The following COL6A2 variants were observed in gnomAD, a reference collection of about 807,000 sequenced individuals.
The protein encoded by COL6A2 is collagen type VI alpha 2 chain.
In COL6A2, 90 loss-of-function variants were observed where a neutral mutation model predicts 124.9. That is an observed-to-expected ratio of 0.72 (90% confidence interval 0.61 to 0.86). COL6A2 has a LOEUF of 0.86. COL6A2 is among the 40% of genes least tolerant of loss of function. The pLI, the probability that COL6A2 is intolerant of heterozygous loss-of-function variation, is 0.00. For synonymous variants in COL6A2, 793 were observed against 618.2 expected, an observed-to-expected ratio of 1.28 and a Z score of -4.19; for missense variants, 1,607 against 1,502.5, an observed-to-expected ratio of 1.07 and a Z score of -1.15.
chr21:46,106,706 G>C (rs955087526), intron 1 of COL6A2, among the ~76,000 whole-genome samples: 8 of 152,248 alleles, frequency 5.3e-5, no homozygotes, highest in Admixed American at 2.6e-4. Flanking sequence ...ACTCTGAAAG[G>C]CCACCATGTC....
At chr21:46,117,278 T>C in intron 10 of COL6A2, 122 bp from the exon 11 acceptor site, 1 of 988,700 alleles carries the variant, frequency 1.0e-6, no homozygotes, top group Admixed American at 2.1e-5. Flanking sequence ...TGGGCACCCG[T>C]GTGCCAGGAG....
At chr21:46,126,739 G>A (rs2078676268) in intron 27 of COL6A2, among the ~76,000 whole-genome samples, 198 bp downstream of exon 27, 1 of 152,192 alleles carries the variant, frequency 6.6e-6, no homozygotes, top group Admixed American at 6.5e-5. Flanking sequence ...CAGGCTCCCA[G>A]GAACGCAGGA....
intron 27 of COL6A2, among the ~76,000 whole-genome samples, chr21:46,130,389 G>A (rs892826669): frequency 7.9e-5 from 12 of 152,072 alleles, no homozygotes; most frequent in Non-Finnish European, 1.6e-4. Flanking sequence ...ACGGCGAGCT[G>A]ACCCCGACGT....
chr21:46,107,796 T>TC (rs1432089764), intron 1 of COL6A2, among the ~76,000 whole-genome samples: 2 of 152,222 alleles, frequency 1.3e-5, no homozygotes, highest in Non-Finnish European at 2.9e-5. Flanking sequence ...CTTTGAATTT[T>TC]CCTGCCTTTC....
In COL6A2 at chr21:46,112,818, C is replaced by T. The variant is rs200824569; in HGVS notation, c.729C>T (p.Tyr243=). 1.7e-5 allele frequency: 27 copies of T among 1,613,674 alleles called. No homozygotes were observed. Among genetic ancestry groups the T allele is most frequent in the East Asian group, 1.6e-4 (7 of 44,874 alleles). Residue 243 remains tyrosine, a synonymous_variant, in exon 4 of 28, where the codon TAC becomes TAT. Transcript: ENST00000300527. ...CTTTTCTGCAGAAACACGAAGCCTACGGAGAGGTGAGTGGCGCTTCCCTTC... is the reference window on the plus strand; with the variant it reads ...CTTTTCTGCAGAAACACGAAGCCTATGGAGAGGTGAGTGGCGCTTCCCTTC... ...RIIKVMKHEA[Y]GECYKVSCLE... is the part of the protein sequence containing the mutation.
rs781630708 is a variant in COL6A2 at position 46,126,117 on chromosome 21, G to A, written c.2302G>A (p.Glu768Lys). The A allele has an allele frequency of 5.0e-6, 8 of 1,612,372 alleles. No individual in the cohort carries two copies. Among genetic ancestry groups the A allele is most frequent in the Non-Finnish European group, 5.9e-6 (7 of 1,180,030 alleles). Residue 768 changes from glutamate (E) to lysine (K), a missense_variant, in exon 26 of 28, where the codon GAG (glutamate) becomes AAG (lysine). This residue lies in a region of COL6A2 where 1,223 missense variants were observed against 1,052.2 expected (regional missense o/e 1.16). Coordinates refer to ENST00000300527, the MANE Select transcript of COL6A2 (RefSeq NM_001849.4). ...CGGGGACATGTTCCACGAGAAGCAC[G>A]AGAGTGAAAACCTCTACTCCATCGC... ...GIGDMFHEKH[E>K]SENLYSIACD... is the part of the protein sequence containing the mutation.
At chr21:46,108,009 A>G (rs924665295) in intron 1 of COL6A2, among the ~76,000 whole-genome samples, 1 of 151,952 alleles carries the variant, frequency 6.6e-6, no homozygotes, top group Non-Finnish European at 1.5e-5. Context: ...CTTTTCATCA[A>G]TGATATATTT....
intron 15 of COL6A2, 104 bp downstream of exon 15, chr21:46,119,954 G>T (rs2078534485): frequency 4.0e-6 from 4 of 1,008,128 alleles, no homozygotes; most frequent in African/African-American, 3.2e-5. Flanking sequence ...CAGAACCCCA[G>T]GGCCTCACTC....
rs762738666 is a variant in COL6A2 at position 46,117,867 on chromosome 21, C to T, written c.1054-7C>T. 5.6e-6 allele frequency: 9 copies of T among 1,609,502 alleles called. No homozygotes were observed. In the East Asian group the frequency reaches 1.1e-4, roughly 20 times the overall value. On this transcript the variant is annotated splice_polypyrimidine_tract_variant and splice_region_variant and intron_variant, in intron 11 of 27. Transcript: ENST00000300527. ...GTGCCGAGCTCCACCTCTCACTCCT[C>T]TCTCAGGGCCCCGACGGTTACCCGG...
At chr21:46,120,746 G>T (rs557841373) in intron 16 of COL6A2, among the ~76,000 whole-genome samples, 169 bp downstream of exon 16, 2 of 151,962 alleles carry the variant, frequency 1.3e-5, no homozygotes, top group African/African-American at 4.8e-5. Context: ...TCAAGGTAGG[G>T]GACCCAGGCG....
chr21:46,116,512 T>C lies in COL6A2; in HGVS notation c.927+109T>C, dbSNP rs1241905777. The C allele has an allele frequency of 3.8e-6, 6 of 1,581,474 alleles. No homozygotes were observed. The highest frequency in any genetic ancestry group is 3.3e-5 in the South Asian group (3 of 89,866). Reference sequence around the variant, plus strand: ...TGCTCCTGGGGCACCGGCCTGGTCTTTTCTCAGTGGTGGCTTTGGGGGCTC... The same window carrying C: ...TGCTCCTGGGGCACCGGCCTGGTCTCTTCTCAGTGGTGGCTTTGGGGGCTC... On this transcript the variant is annotated intron_variant, in intron 8 of 27. Transcript: ENST00000300527. This position sits in a 1 kb window ranked among gnomAD's most constrained non-coding sequence, Gnocchi z 4.6.
At chr21:46,125,368 G>T (rs2078644797) in intron 24 of COL6A2, 57 bp downstream of exon 24, 1 of 1,604,380 alleles carries the variant, frequency 6.2e-7, no homozygotes, top group Middle Eastern at 1.7e-4. Context: ...GGGCGGGAGT[G>T]CAGCAGGGCT....
intron 1 of COL6A2, among the ~76,000 whole-genome samples, chr21:46,107,704 C>T (rs1369178207): frequency 6.6e-6 from 1 of 152,190 alleles, no homozygotes; most frequent in Admixed American, 6.5e-5. Flanking sequence ...TTTCTATGAT[C>T]CCAGGTCTTT....
chr21:46,129,048 C>T, intron 27 of COL6A2: 19 of 1,600,692 alleles, frequency 1.2e-5, no homozygotes, highest in Non-Finnish European at 1.6e-5. Flanking sequence ...GGCCGAGCCA[C>T]ACACCCGCTC....
chr21:46,122,446 G>A, intron 19 of COL6A2, 50 bp from the exon 20 acceptor site: 2 of 1,610,782 alleles, frequency 1.2e-6, no homozygotes, highest in Non-Finnish European at 1.7e-6. Context: ...AGGGAGGAAG[G>A]AGCACTGGGA....
chr21:46,125,335 T>TC, intron 24 of COL6A2, 24 bp downstream of exon 24: 1 of 1,606,576 alleles, frequency 6.2e-7, no homozygotes. Flanking sequence ...CACGGCAGGG[T>TC]CGGGGCCCAT....
At chr21:46,122,625 C>A in intron 20 of COL6A2, 94 bp downstream of exon 20, 1 of 1,398,336 alleles carries the variant, frequency 7.2e-7, no homozygotes, top group Admixed American at 1.8e-5. Flanking sequence ...CTGACAGGAC[C>A]ACCCCTGTCT....
chr21:46,115,356 A>G (rs1457725297), intron 5 of COL6A2, among the ~76,000 whole-genome samples: 2 of 152,154 alleles, frequency 1.3e-5, no homozygotes, highest in African/African-American at 2.4e-5. Flanking sequence ...TCCTCTTTGC[A>G]CTTAAATTGG....
At chr21:46,105,307 G>T (rs2078325187) in intron 1 of COL6A2, among the ~76,000 whole-genome samples, 1 of 152,150 alleles carries the variant, frequency 6.6e-6, no homozygotes, top group East Asian at 1.9e-4. Context: ...AATCATTTGG[G>T]CCTGGGAGGT....
Sources: allele counts gnomAD v4.1 joint callset (sites outside exome capture counted in the v4.1 genomes callset), GRCh38; gene constraint gnomAD v4.1.1; regional missense constraint gnomAD v4.1.1; non-coding constraint Gnocchi (gnomAD v3.1); transcripts MANE v1.5; gene names NCBI Gene and HGNC (gene_info 2026-07-23, HGNC 2026-07-21).